The following BTBD9 variants were observed in gnomAD, a reference collection of about 807,000 sequenced individuals.
BTBD9 encodes the protein BTB/POZ domain-containing protein 9.
A neutral mutation model predicts 64.3 loss-of-function variants in BTBD9; 49 were observed. That is an observed-to-expected ratio of 0.76 (90% CI 0.61 to 0.97). The LOEUF is 0.97. Ranked by LOEUF, BTBD9 falls within the 50% of genes least tolerant of loss-of-function variation. The probability of loss-of-function intolerance (pLI) is 0.00; values close to 1 mark genes in which losing one functional copy is unlikely to be tolerated. For missense variants in BTBD9, 598 were observed against 762.1 expected, an observed-to-expected ratio of 0.78 and a Z score of 2.53; for synonymous variants, 260 against 274.7, an observed-to-expected ratio of 0.95 and a Z score of 0.53.
chr6:38,525,019 C>T (rs1321307098), intron 6 of BTBD9, among the ~76,000 whole-genome samples: 2 of 152,084 alleles, frequency 1.3e-5, no homozygotes, highest in Admixed American at 1.3e-4. Context: ...CTGACATAGG[C>T]ACTAGAATGG....
At chr6:38,457,387 T>C (rs752539089) in intron 6 of BTBD9, among the ~76,000 whole-genome samples, 6 of 152,092 alleles carry the variant, frequency 3.9e-5, no homozygotes, top group African/African-American at 1.4e-4. Flanking sequence ...TCAACTACAG[T>C]GGTGTTAGTG....
intron 10 of BTBD9, among the ~76,000 whole-genome samples, chr6:38,177,117 T>C (rs1761301597): frequency 6.6e-6 from 1 of 152,218 alleles, no homozygotes; most frequent in African/African-American, 2.4e-5. Context: ...CCCCACCATG[T>C]TCTTTAATTG....
At chr6:38,361,669 C>T (rs1266756608) in intron 6 of BTBD9, among the ~76,000 whole-genome samples, 1 of 152,008 alleles carries the variant, frequency 6.6e-6, no homozygotes, top group African/African-American at 2.4e-5. Context: ...GGAGACACCC[C>T]GTTTCTACTA....
intron 1 of BTBD9, among the ~76,000 whole-genome samples, chr6:38,607,093 G>A (rs1777454946): frequency 6.6e-6 from 1 of 152,078 alleles, no homozygotes; most frequent in Admixed American, 6.5e-5. Context: ...ATTCTCTTTG[G>A]AAAGATTATA....
chr6:38,522,989 C>A (rs1184587243), intron 6 of BTBD9, among the ~76,000 whole-genome samples: 1 of 152,090 alleles, frequency 6.6e-6, no homozygotes, highest in Admixed American at 6.5e-5. Flanking sequence ...TTGAGACCAA[C>A]CTGGCCAACA....
At chr6:38,582,106 C>T (rs938613854) in intron 4 of BTBD9, among the ~76,000 whole-genome samples, 1 of 151,792 alleles carries the variant, frequency 6.6e-6, no homozygotes, top group Non-Finnish European at 1.5e-5. Context: ...AGAGTGGCAC[C>T]AGAAAAGAAC....
intron 9 of BTBD9, among the ~76,000 whole-genome samples, chr6:38,199,038 A>G (rs937243378): frequency 6.6e-6 from 1 of 152,024 alleles, no homozygotes; most frequent in Non-Finnish European, 1.5e-5. Context: ...AAGAAGGAAA[A>G]AGGAGCAGGT....
intron 1 of BTBD9, among the ~76,000 whole-genome samples, chr6:38,628,470 T>C (rs1468694670): frequency 2.0e-5 from 3 of 152,214 alleles, no homozygotes; most frequent in Non-Finnish European, 4.4e-5. Context: ...ATTAAGAGTA[T>C]ACAAATAAGT....
chr6:38,524,747 T>C (rs1476902012), intron 6 of BTBD9, among the ~76,000 whole-genome samples: 1 of 152,208 alleles, frequency 6.6e-6, no homozygotes, highest in African/African-American at 2.4e-5. Context: ...CACCCTTGCT[T>C]GATAAACATT....
intron 6 of BTBD9, chr6:38,403,029 C>T: frequency 3.0e-6 from 1 of 334,602 alleles, no homozygotes; most frequent in East Asian, 1.0e-4. Context: ...GCTATCATTG[C>T]ACTCCAGCCT....
At chr6:38,177,404 C>G (rs1761321502) in intron 10 of BTBD9, among the ~76,000 whole-genome samples, 1 of 152,216 alleles carries the variant, frequency 6.6e-6, no homozygotes, top group South Asian at 2.1e-4. Context: ...CGCTGCCTGC[C>G]TCCTTCTACT....
intron 7 of BTBD9, among the ~76,000 whole-genome samples, chr6:38,291,965 CT>C (rs562126426): frequency 1.7e-3 from 240 of 142,786 alleles, no homozygotes; most frequent in Non-Finnish European, 1.6e-3. Context: ...TTTTTTCTTT[CT>C]TTTTTTTTTT....
chr6:38,437,650 T>C (rs1768800347), intron 6 of BTBD9, among the ~76,000 whole-genome samples: 1 of 152,244 alleles, frequency 6.6e-6, no homozygotes, highest in Non-Finnish European at 1.5e-5. Flanking sequence ...TGTCTTACTT[T>C]GTAATGCTTG....
chr6:38,294,260 C>T (rs938130841), intron 7 of BTBD9, among the ~76,000 whole-genome samples: 37 of 152,122 alleles, frequency 2.4e-4, no homozygotes, highest in African/African-American at 7.5e-4. Flanking sequence ...GTCAATGTGG[C>T]GATTCCTCAA....
At chr6:38,249,271 T>C (rs1230255068) in intron 9 of BTBD9, among the ~76,000 whole-genome samples, 3 of 152,186 alleles carry the variant, frequency 2.0e-5, no homozygotes, top group African/African-American at 4.8e-5. Flanking sequence ...CTTTCTTTTT[T>C]TGAGACAGGC....
At chr6:38,424,718 T>A (rs1284429071) in intron 6 of BTBD9, among the ~76,000 whole-genome samples, 1 of 151,824 alleles carries the variant, frequency 6.6e-6, no homozygotes, top group East Asian at 1.9e-4. Context: ...GGTTTCACCA[T>A]GTTGGTCAGA....
chr6:38,269,238 C>T (rs1464980397), intron 8 of BTBD9, among the ~76,000 whole-genome samples: 1 of 152,092 alleles, frequency 6.6e-6, no homozygotes, highest in Non-Finnish European at 1.5e-5. Context: ...AGGTGAAAAT[C>T]CTAACTACCA....
At chr6:38,629,708 G>T (rs550467677) in intron 1 of BTBD9, among the ~76,000 whole-genome samples, 217 of 152,220 alleles carry the variant, frequency 1.4e-3, no homozygotes, top group African/African-American at 5.0e-3. Context: ...TGTAATCCCA[G>T]CTACTAGGGA....
chr6:38,596,787 T>C (rs906669494), intron 2 of BTBD9, among the ~76,000 whole-genome samples: 143 of 137,498 alleles, frequency 1.0e-3, no homozygotes, highest in African/African-American at 3.4e-3. Context: ...GGCGACAGAG[T>C]GAGACTCCGT....
Sources: allele counts gnomAD v4.1 joint callset (sites outside exome capture counted in the v4.1 genomes callset), GRCh38; gene constraint gnomAD v4.1.1; transcripts MANE v1.5; gene names NCBI Gene and HGNC (gene_info 2026-07-23, HGNC 2026-07-21).